RHOBTB3: variants seen among roughly 807,000 people sequenced by gnomAD.
RHOBTB3 encodes rho-related BTB domain-containing protein 3.
A neutral mutation model predicts 67.2 loss-of-function variants in RHOBTB3; 47 were observed. That is an observed-to-expected ratio of 0.70 (90% CI 0.55 to 0.89). The LOEUF (loss-of-function observed/expected upper bound fraction) is 0.89. Ranked by LOEUF, RHOBTB3 falls within the 40% of genes least tolerant of loss-of-function variation. The probability of loss-of-function intolerance (pLI) is 0.00; values close to 1 mark genes in which losing one functional copy is unlikely to be tolerated. For synonymous variants in RHOBTB3, 273 were observed against 274.2 expected (o/e 1.00, Z 0.04); for missense variants, 631 against 750.0 (o/e 0.84, Z 1.85).
At chr5:95,771,739 G>T (rs1745720605) in intron 8 of RHOBTB3, among the ~76,000 whole-genome samples, 2 of 152,152 alleles carry the variant, frequency 1.3e-5, no homozygotes, top group Non-Finnish European at 2.9e-5. Context: ...GGTGATTACA[G>T]AATTCTCTCA....
intron 5 of RHOBTB3, among the ~76,000 whole-genome samples, chr5:95,753,117 A>G (rs1020101451): frequency 6.6e-6 from 1 of 151,982 alleles, no homozygotes. Flanking sequence ...GGCCTGGGCG[A>G]CAGAGCAAGA....
rs1427066077 is a variant in RHOBTB3, at chr5:95,748,548, G to T, written c.570+61G>T. On this transcript the variant is annotated intron_variant, in intron 4 of 11. Transcript: ENST00000379982. ...GTCAGGTTGCCTCTTTAGGTATTTT[G>T]TAGAACATCAGTTAGAACTTCAGCT... The T allele has an allele frequency of 9.2e-6, 12 of 1,305,588 alleles. No individual in the cohort carries two copies. The Admixed American group carries it at 2.4e-4, about 26-fold the overall frequency. 80.9% of individuals were successfully genotyped at this position (1,305,588 alleles called of 1,614,324 possible).
In RHOBTB3 at chr5:95,793,005, A is replaced by T. The variant is rs773327203; in HGVS notation, c.1721-54A>T. ...AGAGGAAATCAATAGCTGATATCTT[A>T]ATTGATCCATAATAAAACATATTCG... On this transcript the variant is annotated intron_variant, in intron 11 of 11. Coordinates refer to ENST00000379982, the MANE Select transcript of RHOBTB3 (RefSeq NM_014899.4). 8 of 1,200,688 alleles carry T rather than the reference A, an allele frequency of 6.7e-6. No homozygotes were observed. The Admixed American group carries it at 1.1e-4, about 16-fold the overall frequency. 74.4% of individuals were successfully genotyped at this position (1,200,688 alleles called of 1,614,324 possible). A position where few individuals can be genotyped will look rare whatever the true frequency, so the allele number is the denominator to read the frequency against.
At chr5:95,755,829 A>G (rs746743143) in intron 6 of RHOBTB3, 68 bp downstream of exon 6, 8 of 1,505,278 alleles carry the variant, frequency 5.3e-6, no homozygotes, top group Middle Eastern at 3.4e-4. Context: ...TGCCTGTGAC[A>G]CTCAAGGGTA....
At chr5:95,742,115 TG>T (rs1414742611) in intron 3 of RHOBTB3, among the ~76,000 whole-genome samples, 2 of 152,212 alleles carry the variant, frequency 1.3e-5, no homozygotes, top group African/African-American at 4.8e-5. Context: ...TCAGGAACTC[TG>T]GTTCCTTCTA....
At chr5:95,769,235 AG>A (rs1745637119) in intron 8 of RHOBTB3, 13 of 373,538 alleles carry the variant, frequency 3.5e-5, no homozygotes, top group South Asian at 3.2e-4. Context: ...ACTGTTACAA[AG>A]TCAATTGGCT....
intron 3 of RHOBTB3, among the ~76,000 whole-genome samples, chr5:95,741,445 A>T (rs371369277): frequency 6.7e-5 from 10 of 150,134 alleles, no homozygotes; most frequent in Non-Finnish European, 1.5e-4. Context: ...CTTTTAACCA[A>T]TCCAGGATGC....
intron 4 of RHOBTB3, 99 bp downstream of exon 4, chr5:95,748,586 T>G (rs1325134957): frequency 1.3e-6 from 1 of 782,588 alleles, no homozygotes; most frequent in East Asian, 2.9e-5. Context: ...AAAAGCATGG[T>G]TTGTCTTACT....
chr5:95,776,641 A>AC (rs755860045), intron 8 of RHOBTB3, among the ~76,000 whole-genome samples: 35 of 152,170 alleles, frequency 2.3e-4, no homozygotes, highest in Non-Finnish European at 4.7e-4. Context: ...ATACTGAGGC[A>AC]CCTTGATGAG....
Position 95,794,767 on chromosome 5 carries a change from AC to A in RHOBTB3, c.*1597del, listed in dbSNP as rs1205158618. 1 of 152,140 alleles carries A rather than the reference AC, an allele frequency of 6.6e-6. No individual in the cohort carries two copies. Among genetic ancestry groups the A allele is most frequent in the African/African-American group, 2.4e-5 (1 of 41,438 alleles). The allele number at this position is 152,140 out of a possible 1,614,324, so 9.4% of individuals were successfully genotyped here. ...AATGGTTTTATAGTATAATATTGGG[AC>A]CCCATACCGTTAGCCCTTGTATGTA... On this transcript the variant is annotated 3_prime_UTR_variant, in exon 12 of 12. Transcript: ENST00000379982.
chr5:95,779,905 A>G (rs1561454994), intron 8 of RHOBTB3: 1 of 227,760 alleles, frequency 4.4e-6, no homozygotes, highest in South Asian at 8.5e-5. Context: ...GGGCACGGGT[A>G]GTATTATTAA....
Position 95,752,316 on chromosome 5 carries a change from T to C in RHOBTB3, c.648T>C (p.Phe216=), listed in dbSNP as rs1324731072. 4 of 1,608,188 alleles carry C rather than the reference T, an allele frequency of 2.5e-6. No homozygotes were observed. In the Admixed American group the frequency reaches 6.8e-5, roughly 27 times the overall value. The change falls in exon 5 of 12, where the codon TTT becomes TTC. Residue 216 remains phenylalanine (F), a synonymous_variant. Transcript: ENST00000379982. Reference sequence around the variant, plus strand: ...AGAAAAGAAAAATGAGCAACTCCTTTCATGGAATTAGACCACCTCAACTTG... The same window carrying C: ...AGAAAAGAAAAATGAGCAACTCCTTCCATGGAATTAGACCACCTCAACTTG... The part of the protein sequence containing the change: ...KMKKRKMSNS[F]HGIRPPQLEQ...
intron 10 of RHOBTB3, among the ~76,000 whole-genome samples, chr5:95,784,172 G>C (rs1471718961): frequency 6.6e-6 from 1 of 152,176 alleles, no homozygotes; most frequent in African/African-American, 2.4e-5. Context: ...TTATAAGGAG[G>C]CAAAATGTCC....
chr5:95,743,802 A>T (rs1580400682), intron 3 of RHOBTB3, among the ~76,000 whole-genome samples: 1 of 143,904 alleles, frequency 6.9e-6, no homozygotes, highest in South Asian at 2.2e-4. Context: ...CCTCCACCTC[A>T]GGTTCAAGTG....
rs78379776 is a variant in RHOBTB3, at chr5:95,794,156, G to A, written c.*982G>A. ...TTGGCTGGCAAGGGAGAAATGTGTT[G>A]TGTTGTCTTAGCTTTAAAACAGTCA... is the stretch of plus-strand genomic sequence containing the variant. On this transcript the variant is annotated 3_prime_UTR_variant, in exon 12 of 12. Coordinates refer to ENST00000379982, the MANE Select transcript of RHOBTB3 (RefSeq NM_014899.4). The A allele has an allele frequency of 0.025, 10,051 of 408,450 alleles. 188 individuals carry two copies. Among genetic ancestry groups the A allele is most frequent in the South Asian group, 0.035 (1,998 of 56,444 alleles). The allele number at this position is 408,450 out of a possible 1,614,324, so 25.3% of individuals were successfully genotyped here.
intron 9 of RHOBTB3, 153 bp from the exon 10 acceptor site, chr5:95,783,644 C>T (rs1333131967): frequency 4.5e-6 from 2 of 444,932 alleles, no homozygotes; most frequent in South Asian, 5.9e-5. Context: ...AGAATGCTGA[C>T]TCCCTCGAGG....
upstream of RHOBTB3, among the ~76,000 whole-genome samples, chr5:95,729,810 C>T (rs1755167481): frequency 6.6e-6 from 1 of 152,206 alleles, no homozygotes; most frequent in African/African-American, 2.4e-5. Context: ...AGCACAAGGT[C>T]CTCAAGGTTC....
chr5:95,776,051 A>G (rs902044594), intron 8 of RHOBTB3, among the ~76,000 whole-genome samples: 19 of 152,214 alleles, frequency 1.2e-4, no homozygotes, highest in African/African-American at 4.6e-4. Context: ...TGATATTATC[A>G]ATACAAATTT....
intron 3 of RHOBTB3, among the ~76,000 whole-genome samples, chr5:95,742,134 A>G (rs1755618840): frequency 6.6e-6 from 1 of 152,170 alleles, no homozygotes; most frequent in Non-Finnish European, 1.5e-5. Context: ...CTAGGGGGCA[A>G]TGATATTTAG....
Sources: allele counts gnomAD v4.1 joint callset (sites outside exome capture counted in the v4.1 genomes callset), GRCh38; gene constraint gnomAD v4.1.1; transcripts MANE v1.5; gene names NCBI Gene and HGNC (gene_info 2026-07-23, HGNC 2026-07-21).